The following ANO1 variants were observed in gnomAD, a reference collection of about 807,000 sequenced individuals.
ANO1 encodes the protein anoctamin 1.
ANO1 carries 59 observed loss-of-function variants against 124.0 expected under a neutral mutation model. The ratio of observed to expected loss-of-function variants is 0.48; its 90% CI spans 0.39 to 0.59. The LOEUF (loss-of-function observed/expected upper bound fraction) is 0.59. Among genes scored for constraint, ANO1 ranks in the 20% least tolerant of loss-of-function variants. The pLI is 0.00. For missense variants in ANO1, 1,059 were observed against 1,328.0 expected (o/e 0.80, Z 3.15); for synonymous variants, 529 against 532.0 (o/e 0.99, Z 0.08).
chr11:70,154,844 C>T (rs761831173), intron 14 of ANO1, among the ~76,000 whole-genome samples: 26 of 152,214 alleles, frequency 1.7e-4, no homozygotes, highest in African/African-American at 5.8e-4. Context: ...CAGGAGTTAT[C>T]GCCCTAAAAT....
chr11:70,106,560 G>A (rs1009058635), intron 5 of ANO1, among the ~76,000 whole-genome samples: 48 of 152,150 alleles, frequency 3.2e-4, no homozygotes, highest in African/African-American at 1.1e-3. Flanking sequence ...GTACCAGCAC[G>A]GGGGGTTCTG....
intron 1 of ANO1, among the ~76,000 whole-genome samples, chr11:70,079,381 A>T (rs944850871): frequency 2.0e-5 from 3 of 151,980 alleles, no homozygotes; most frequent in African/African-American, 7.2e-5. Flanking sequence ...GGCCTGGTTC[A>T]GGTGGGGGCA....
At chr11:70,170,751 G>A in intron 21 of ANO1, 136 bp from the exon 22 acceptor site, 2 of 1,054,244 alleles carry the variant, frequency 1.9e-6, no homozygotes, top group South Asian at 3.3e-5. Flanking sequence ...GCATCTGCAG[G>A]TGGGGTCCAT....
chr11:70,046,774 G>C (rs532231139), intron 1 of ANO1, among the ~76,000 whole-genome samples: 1 of 151,968 alleles, frequency 6.6e-6, no homozygotes, highest in Non-Finnish European at 1.5e-5. Context: ...TGGGATCCTG[G>C]AAAGAAAAAG....
intron 1 of ANO1, among the ~76,000 whole-genome samples, chr11:70,027,230 G>A (rs968054939): frequency 6.6e-6 from 1 of 152,168 alleles, no homozygotes; most frequent in South Asian, 2.1e-4. Flanking sequence ...AGTCAAAAAT[G>A]CATTGAGTAT....
At chr11:70,149,660 A>C (rs770242010) in intron 11 of ANO1, 50 bp from the exon 12 acceptor site, 23 of 1,562,484 alleles carry the variant, frequency 1.5e-5, no homozygotes, top group Non-Finnish European at 2.0e-5. Context: ...AAAAAAAAAA[A>C]AAAAATGCCT....
rs1261019364 is a variant in ANO1, at chr11:70,031,569, C to T, written c.58+45403C>T. ...GTGAGTTCAACCTTACTAGATTGCA[C>T]ACATTCAAGGTGAGCCGTTGAGGGC... On this transcript the variant is annotated intron_variant, in intron 1 of 27. Coordinates refer to the ANO1 transcript ENST00000531349. 2.6e-5 allele frequency among the ~76,000 whole-genome samples: 4 copies of T among 152,150 alleles called. No individual in the cohort carries two copies. In the East Asian group the frequency reaches 7.7e-4, roughly 29 times the overall value.
At chr11:70,003,650 A>C (rs1554999674) in intron 1 of ANO1, among the ~76,000 whole-genome samples, 1 of 143,386 alleles carries the variant, frequency 7.0e-6, no homozygotes, top group South Asian at 2.2e-4. Flanking sequence ...TGGATGGATA[A>C]ATGGGTAGAT....
the ANO1 span, among the ~76,000 whole-genome samples, chr11:69,975,910 G>A: frequency 6.6e-6 from 1 of 152,176 alleles, no homozygotes; most frequent in African/African-American, 2.4e-5. Flanking sequence ...AAACACTCAT[G>A]TACCATGCTG....
At chr11:70,152,939 A>T in intron 13 of ANO1, 118 bp from the exon 14 acceptor site, 1 of 813,924 alleles carries the variant, frequency 1.2e-6, no homozygotes, top group South Asian at 1.7e-5. Flanking sequence ...CCAACTATGA[A>T]CTGGACCCAA....
intron 1 of ANO1, among the ~76,000 whole-genome samples, chr11:70,057,515 C>A (rs1196119983): frequency 6.6e-6 from 1 of 151,432 alleles, no homozygotes; most frequent in Non-Finnish European, 1.5e-5. Context: ...AGACTGAGTC[C>A]GAAAAAGGAG....
intron 2 of ANO1, among the ~76,000 whole-genome samples, chr11:70,089,227 T>C (rs1286758217): frequency 6.6e-6 from 1 of 152,214 alleles, no homozygotes; most frequent in African/African-American, 2.4e-5. Flanking sequence ...GAAAAAGTTG[T>C]CGGCAGGTTA....
chr11:70,105,814 G>A (rs769587312), intron 5 of ANO1, 26 bp downstream of exon 5: 59 of 1,609,984 alleles, frequency 3.7e-5, no homozygotes, highest in Admixed American at 8.3e-5. Flanking sequence ...GCCTGGAAAC[G>A]GCTCACTGGC....
chr11:70,073,821 A>G (rs1294283436), upstream of ANO1, among the ~76,000 whole-genome samples: 4 of 151,350 alleles, frequency 2.6e-5, no homozygotes, highest in Admixed American at 6.6e-5. Context: ...CTGTTGGAGG[A>G]AAAAAAAATC....
At chr11:70,116,379 G>A in intron 7 of ANO1, 79 bp from the exon 8 acceptor site, 1 of 1,397,532 alleles carries the variant, frequency 7.2e-7, no homozygotes, top group Non-Finnish European at 9.9e-7. Flanking sequence ...TGGGGTTTAT[G>A]TTTTGAAACA....
intron 16 of ANO1, among the ~76,000 whole-genome samples, chr11:70,159,780 GA>G (rs2047975982): frequency 6.6e-6 from 1 of 152,238 alleles, no homozygotes; most frequent in South Asian, 2.1e-4. Context: ...CTGGCACGGG[GA>G]CAGACATCCT....
intron 12 of ANO1, among the ~76,000 whole-genome samples, chr11:70,151,963 G>A (rs2047617427): frequency 6.6e-6 from 1 of 152,142 alleles, no homozygotes; most frequent in Admixed American, 6.6e-5. Context: ...TCAAGCAGCA[G>A]TAAACCTTAA....
At chr11:70,091,100 C>T (rs998785237) in intron 2 of ANO1, among the ~76,000 whole-genome samples, 2 of 152,290 alleles carry the variant, frequency 1.3e-5, no homozygotes, top group African/African-American at 2.4e-5. Context: ...GCACACGCAG[C>T]GTCTGAAGTG....
chr11:70,155,459 G>A (rs1017387426), intron 14 of ANO1, among the ~76,000 whole-genome samples: 22 of 152,192 alleles, frequency 1.4e-4, no homozygotes, highest in Non-Finnish European at 3.2e-4. Flanking sequence ...GCTGCTCTGC[G>A]GTTTTGATTT....
Sources: allele counts gnomAD v4.1 joint callset (sites outside exome capture counted in the v4.1 genomes callset), GRCh38; gene constraint gnomAD v4.1.1; transcripts MANE v1.5; gene names NCBI Gene and HGNC (gene_info 2026-07-23, HGNC 2026-07-21).